The following SUB1 variants were observed in gnomAD, a reference collection of about 807,000 sequenced individuals.
SUB1 encodes the protein activated RNA polymerase II transcriptional coactivator p15.
Under a neutral mutation model 16.9 loss-of-function variants are expected in SUB1, and 1 was observed. The ratio of observed to expected loss-of-function variants is 0.06; its 90% CI spans 0.02 to 0.28. SUB1 has a LOEUF of 0.28. SUB1 is among the 10% of genes least tolerant of loss of function. The pLI is 1.00. For missense variants in SUB1, 84 were observed against 145.2 expected (o/e 0.58, Z 2.16); for synonymous variants, 51 against 46.9 (o/e 1.09, Z -0.36).
At chr5:32,600,907 A>C (rs923653007) in intron 4 of SUB1, 98 bp from the exon 5 acceptor site, 26 of 1,170,870 alleles carry the variant, frequency 2.2e-5, no homozygotes, top group Non-Finnish European at 2.9e-5. Context: ...GCCCAGCCTA[A>C]AGTGGCAATT....
At chr5:32,593,179 A>G (rs1167843792) in intron 3 of SUB1, among the ~76,000 whole-genome samples, 1 of 151,982 alleles carries the variant, frequency 6.6e-6, no homozygotes, top group Admixed American at 6.6e-5. Flanking sequence ...ACGCCTGGCA[A>G]ATTTTCTTTG....
At chr5:32,594,717 C>G in intron 3 of SUB1, 1 of 373,080 alleles carries the variant, frequency 2.7e-6, no homozygotes, top group Non-Finnish European at 5.5e-6. Context: ...TTGTGAACTG[C>G]GCATGCAAGG....
At chr5:32,590,785 T>TTTTTTTTTTTTTTTTG (rs1561033588) in intron 2 of SUB1, among the ~76,000 whole-genome samples, 3 of 131,860 alleles carry the variant, frequency 2.3e-5, no homozygotes, top group Admixed American at 7.7e-5. Context: ...TTTTTTTTTT[T>TTTTTTTTTTTTTTTTG]GAGATGGAGT....
Position 32,603,873 on chromosome 5 carries a change from TC to T in SUB1, c.*2791del, listed in dbSNP as rs1739175164. The T allele has an allele frequency of 6.6e-6, 1 of 151,386 alleles. No individual in the cohort carries two copies. The highest frequency in any genetic ancestry group is 2.1e-4 in the South Asian group (1 of 4,790). The allele number at this position is 151,386 out of a possible 1,614,324, so 9.4% of individuals were successfully genotyped here. A position where few individuals can be genotyped will look rare whatever the true frequency, so the allele number is the denominator to read the frequency against. On this transcript the variant is annotated 3_prime_UTR_variant, in exon 5 of 5. Transcript: ENST00000265073. ...GCAGTTCATTTTTTATGGCAGTTAATCCAGTGAAACACTCAAAAGTTTTTTT... is the reference window on the plus strand; with the variant it reads ...GCAGTTCATTTTTTATGGCAGTTAATCAGTGAAACACTCAAAAGTTTTTTT...
chr5:32,590,686 C>T (rs56667984), intron 2 of SUB1, among the ~76,000 whole-genome samples: 60 of 150,112 alleles, frequency 4.0e-4, no homozygotes, highest in African/African-American at 1.4e-3. Flanking sequence ...ACCTTCGCGT[C>T]CCGGGTTCAA....
Position 32,591,672 on chromosome 5 carries a change from A to G in SUB1, c.182A>G (p.Asp61Gly), listed in dbSNP as rs1422598822. Residue 61 changes from aspartate to glycine, a missense_variant, in exon 3 of 5, where the codon GAT (aspartate) becomes GGT (glycine). Coordinates refer to ENST00000265073, the MANE Select transcript of SUB1 (RefSeq NM_006713.4). ...AAACAGAGCAGCAGCAGCAGAGATG[A>G]TAACATGTTTCAGGTAAAGTTGGCT... ...SSKQSSSSRD[D>G]NMFQIGKMRY... is the part of the protein sequence containing the mutation. 9 of 1,571,352 alleles carry G rather than the reference A, an allele frequency of 5.7e-6. No homozygotes were observed. Among genetic ancestry groups the G allele is most frequent in the Non-Finnish European group, 7.7e-6 (9 of 1,164,140 alleles).
At position 32,598,991 on chromosome 5, in the gene SUB1, G is replaced by C; in HGVS notation, c.226G>C (p.Asp76His). 1 of 1,613,414 alleles carries C rather than the reference G, an allele frequency of 6.2e-7. No individual in the cohort carries two copies. Among genetic ancestry groups the C allele is most frequent in the Non-Finnish European group, 8.5e-7 (1 of 1,179,742 alleles). Residue 76 changes from aspartate to histidine, a missense_variant, in exon 4 of 5, where the codon GAT becomes CAT. Physicochemically the swap from Asp to His is moderately conservative, Grantham distance 81. This residue lies in a region of SUB1 where 24 missense variants were observed against 80.3 expected (regional missense o/e 0.30). Transcript: ENST00000265073. ...GAAAATGAGGTACGTTAGTGTTCGC[G>C]ATTTTAAAGGCAAAGTGCTAATTGA... is the stretch of plus-strand genomic sequence containing the variant. ...IGKMRYVSVR[D>H]FKGKVLIDIR...
intron 1 of SUB1, among the ~76,000 whole-genome samples, 156 bp from the exon 2 acceptor site, chr5:32,588,356 A>G (rs1220456758): frequency 6.6e-6 from 1 of 152,226 alleles, no homozygotes; most frequent in Non-Finnish European, 1.5e-5. Context: ...AAGGGTATAG[A>G]TTAAAACTTG....
Position 32,603,865 on chromosome 5 carries a change from G to A in SUB1, c.*2781G>A, listed in dbSNP as rs1320203724. The A allele has an allele frequency of 1.3e-5, 2 of 151,704 alleles. No individual in the cohort carries two copies. Among genetic ancestry groups the A allele is most frequent in the Non-Finnish European group, 2.9e-5 (2 of 67,924 alleles). 9.4% of individuals were successfully genotyped at this position (151,704 alleles called of 1,614,324 possible). ...AATTCTTTGCAGTTCATTTTTTATG[G>A]CAGTTAATCCAGTGAAACACTCAAA... On this transcript the variant is annotated 3_prime_UTR_variant, in exon 5 of 5. Coordinates refer to ENST00000265073, the MANE Select transcript of SUB1 (RefSeq NM_006713.4).
intron 3 of SUB1, among the ~76,000 whole-genome samples, chr5:32,593,803 C>T (rs1462491365): frequency 1.3e-5 from 2 of 152,138 alleles, no homozygotes; most frequent in African/African-American, 4.8e-5. Context: ...AAGAGATTCT[C>T]CTGCCTCAGT....
Position 32,603,783 on chromosome 5 carries a change from A to AT in SUB1, c.*2700dup. 1 of 152,238 alleles carries AT rather than the reference A, an allele frequency of 6.6e-6. No individual in the cohort carries two copies. The highest frequency in any genetic ancestry group is 1.9e-4 in the East Asian group (1 of 5,204). The allele number at this position is 152,238 out of a possible 1,614,324, so 9.4% of individuals were successfully genotyped here. On this transcript the variant is annotated 3_prime_UTR_variant, in exon 5 of 5. Transcript: ENST00000265073. ...ACAGGAGATATGTTAGCAGAATACT[A>AT]TAAAAGTTTGAAATTTTTAAAAAGT...
intron 2 of SUB1, chr5:32,591,242 C>A: frequency 5.4e-6 from 1 of 185,628 alleles, no homozygotes; most frequent in Non-Finnish European, 1.1e-5. Flanking sequence ...TCAGAAGTAG[C>A]AAGATCCCTC....
At chr5:32,591,377 A>C (rs900221569) in intron 2 of SUB1, 186 bp from the exon 3 acceptor site, 1 of 725,976 alleles carries the variant, frequency 1.4e-6, no homozygotes, top group South Asian at 3.7e-5. Flanking sequence ...GTTTGAAAAC[A>C]TTACTAGACA....
In SUB1 at chr5:32,603,446, A is replaced by G. The variant is rs1739165000; in HGVS notation, c.*2362A>G. ...CCCTTTAACAGACTCTATGTGTATC[A>G]GGGCTTTCTAATGGGTTTTTCCTCT... On this transcript the variant is annotated 3_prime_UTR_variant, in exon 5 of 5. Transcript: ENST00000265073. 1 of 152,154 alleles carries G rather than the reference A, an allele frequency of 6.6e-6. No homozygotes were observed. The highest frequency in any genetic ancestry group is 6.5e-5 in the Admixed American group (1 of 15,270). The allele number at this position is 152,154 out of a possible 1,614,324, so 9.4% of individuals were successfully genotyped here. A position where few individuals can be genotyped will look rare whatever the true frequency, so the allele number is the denominator to read the frequency against.
At chr5:32,587,607 T>C (rs1361795642) in intron 1 of SUB1, among the ~76,000 whole-genome samples, 1 of 151,924 alleles carries the variant, frequency 6.6e-6, no homozygotes, top group East Asian at 1.9e-4. Context: ...CTGTGAATTG[T>C]GTAAGATTTT....
In SUB1 at chr5:32,601,043, G is replaced by A; in HGVS notation, c.343G>A (p.Glu115Lys). The A allele has an allele frequency of 6.2e-7, 1 of 1,612,160 alleles. No individual in the cohort carries two copies. Among genetic ancestry groups the A allele is most frequent in the Non-Finnish European group, 8.5e-7 (1 of 1,179,772 alleles). ...TCCAGAACAATGGAGCCAGCTGAAG[G>A]AACAGATTTCTGACATTGATGATGC... is the stretch of plus-strand genomic sequence containing the variant. The part of the protein sequence containing the change: ...LNPEQWSQLK[E>K]QISDIDDAVR... The change falls in exon 5 of 5, where the codon GAA becomes AAA. Residue 115 changes from glutamate (E) to lysine (K), a missense_variant. This residue lies in a region of SUB1 where 24 missense variants were observed against 80.3 expected (regional missense o/e 0.30). Transcript: ENST00000265073.
Position 32,599,188 on chromosome 5 carries a change from TTCTC to T in SUB1, c.304+121_304+124del, listed in dbSNP as rs894256622. Reference sequence around the variant, plus strand: ...GCAAGGAAGAGTCTTACTCAATTGATTCTCTATCTTCTGTAGTTATTTTGGACAT... The same window carrying T: ...GCAAGGAAGAGTCTTACTCAATTGATTATCTTCTGTAGTTATTTTGGACAT... On this transcript the variant is annotated intron_variant, in intron 4 of 4. Coordinates refer to ENST00000265073, the MANE Select transcript of SUB1 (RefSeq NM_006713.4). The T allele has an allele frequency of 1.0e-5, 7 of 681,088 alleles. No homozygotes were observed. The East Asian group carries it at 1.7e-4, about 17-fold the overall frequency. The allele number at this position is 681,088 out of a possible 1,614,324, so 42.2% of individuals were successfully genotyped here.
In SUB1 at chr5:32,591,600, T is replaced by G. The variant is rs767606889; in HGVS notation, c.110T>G (p.Val37Gly). ...AAGCAAGTTGCTCCAGAAAAACCTG[T>G]AAAGAAACAAAAGACAGGTGAGACT... ...RKKQVAPEKP[V>G]KKQKTGETSR... Residue 37 changes from valine (V) to glycine (G), a missense_variant, in exon 3 of 5, where the codon GTA (valine) becomes GGA (glycine). Physicochemically the swap from Val to Gly is moderately radical, Grantham distance 109. Coordinates refer to ENST00000265073, the MANE Select transcript of SUB1 (RefSeq NM_006713.4). 5.0e-6 allele frequency: 8 copies of G among 1,608,406 alleles called. No individual in the cohort carries two copies. Among genetic ancestry groups the G allele is most frequent in the Non-Finnish European group, 6.8e-6 (8 of 1,178,006 alleles).
At chr5:32,586,905 C>G (rs1363960316) in intron 1 of SUB1, among the ~76,000 whole-genome samples, 1 of 152,080 alleles carries the variant, frequency 6.6e-6, no homozygotes, top group East Asian at 1.9e-4. Context: ...TTGGGGTGGC[C>G]CACTTCTTTT....
Sources: allele counts gnomAD v4.1 joint callset (sites outside exome capture counted in the v4.1 genomes callset), GRCh38; gene constraint gnomAD v4.1.1; regional missense constraint gnomAD v4.1.1; transcripts MANE v1.5; gene names NCBI Gene and HGNC (gene_info 2026-07-23, HGNC 2026-07-21).